Variants in SPMIP2 observed in about 807,000 individuals in gnomAD.
SPMIP2 encodes sperm microtubule inner protein 2.
At chr4:159,079,913 TTAATTG>T in the SPMIP2 span, among the ~76,000 whole-genome samples, 1 of 152,228 alleles carries the variant, frequency 6.6e-6, no homozygotes. Context: ...CATTTTAATT[TTAATTG>T]TATTATTTAT....
the SPMIP2 span, among the ~76,000 whole-genome samples, chr4:159,061,641 G>A: frequency 1.3e-5 from 2 of 151,816 alleles, no homozygotes; most frequent in African/African-American, 4.8e-5. Context: ...AACCCCATCT[G>A]TACTAAAAAT....
chr4:158,896,332 T>TGGC, the SPMIP2 span, among the ~76,000 whole-genome samples: 1 of 152,252 alleles, frequency 6.6e-6, no homozygotes, highest in South Asian at 2.1e-4. Context: ...GGACAGTGCT[T>TGGC]TCCTTCCTTT....
the SPMIP2 span, among the ~76,000 whole-genome samples, chr4:158,971,903 C>T: frequency 6.6e-6 from 1 of 152,146 alleles, no homozygotes; most frequent in African/African-American, 2.4e-5. Flanking sequence ...TTAGATGATC[C>T]TGTGAAGTGG....
the SPMIP2 span, among the ~76,000 whole-genome samples, chr4:158,956,577 A>C: frequency 1.3e-5 from 2 of 152,168 alleles, no homozygotes; most frequent in Non-Finnish European, 2.9e-5. Flanking sequence ...AAGATAAATA[A>C]ATAAAATATC....
the SPMIP2 span, among the ~76,000 whole-genome samples, chr4:158,979,999 G>A: frequency 1.4e-4 from 21 of 152,106 alleles, no homozygotes; most frequent in East Asian, 1.6e-3. Context: ...GACCTGGGAC[G>A]CTCAAGCTTG....
At chr4:158,895,205 G>GA in the SPMIP2 span, among the ~76,000 whole-genome samples, 2 of 151,690 alleles carry the variant, frequency 1.3e-5, no homozygotes, top group Admixed American at 1.3e-4. Flanking sequence ...GAAAGCAAAA[G>GA]AAAAAAAAGT....
chr4:159,062,058 A>T, the SPMIP2 span, among the ~76,000 whole-genome samples: 1 of 152,186 alleles, frequency 6.6e-6, no homozygotes, highest in Non-Finnish European at 1.5e-5. Context: ...TACAAATGCC[A>T]CGTGTGTGTC....
At chr4:158,915,194 C>T in the SPMIP2 span, 1 of 1,612,304 alleles carries the variant, frequency 6.2e-7, no homozygotes, top group Non-Finnish European at 8.5e-7. Flanking sequence ...GTAGCTTCGG[C>T]AGCTTAGGTG....
the SPMIP2 span, among the ~76,000 whole-genome samples, chr4:159,023,633 G>T: frequency 6.6e-6 from 1 of 152,160 alleles, no homozygotes; most frequent in Non-Finnish European, 1.5e-5. Flanking sequence ...GCCACCAACA[G>T]AATGGCTGTA....
At chr4:159,062,415 A>G in the SPMIP2 span, among the ~76,000 whole-genome samples, 6 of 152,204 alleles carry the variant, frequency 3.9e-5, no homozygotes. Flanking sequence ...TATATGTAAA[A>G]GATTTAACTA....
the SPMIP2 span, among the ~76,000 whole-genome samples, chr4:159,031,573 C>A: frequency 5.2e-3 from 794 of 152,268 alleles, 4 homozygotes; most frequent in African/African-American, 0.018. Context: ...TAGAGACAAT[C>A]AGGAAAATTT....
At chr4:159,063,850 G>A in the SPMIP2 span, among the ~76,000 whole-genome samples, 3 of 152,172 alleles carry the variant, frequency 2.0e-5, no homozygotes, top group African/African-American at 4.8e-5. Flanking sequence ...AGTGATTAAT[G>A]TTCAGTGGCT....
chr4:159,077,956 G>T, the SPMIP2 span, among the ~76,000 whole-genome samples: 1 of 152,098 alleles, frequency 6.6e-6, no homozygotes, highest in African/African-American at 2.4e-5. Flanking sequence ...ACCAAAGAGG[G>T]GATGTAATCA....
chr4:159,071,011 C>T, the SPMIP2 span, among the ~76,000 whole-genome samples: 1 of 152,112 alleles, frequency 6.6e-6, no homozygotes, highest in South Asian at 2.1e-4. Flanking sequence ...AAAGAACAAT[C>T]AAAACAGATT....
the SPMIP2 span, among the ~76,000 whole-genome samples, chr4:158,976,085 A>AT: frequency 4.6e-5 from 7 of 151,598 alleles, no homozygotes; most frequent in African/African-American, 1.7e-4. Context: ...TTCACTCATG[A>AT]TTTGGCTATT....
chr4:158,898,563 A>G, the SPMIP2 span, among the ~76,000 whole-genome samples: 1 of 152,156 alleles, frequency 6.6e-6, no homozygotes, highest in South Asian at 2.1e-4. Context: ...CATCTCTTGT[A>G]AGTTATATTA....
chr4:158,986,305 A>G, the SPMIP2 span, among the ~76,000 whole-genome samples: 1 of 152,136 alleles, frequency 6.6e-6, no homozygotes, highest in Non-Finnish European at 1.5e-5. Flanking sequence ...ATATGGAACC[A>G]AAAAAGAGCC....
the SPMIP2 span, among the ~76,000 whole-genome samples, chr4:158,989,414 C>T: frequency 5.9e-5 from 9 of 152,280 alleles, no homozygotes; most frequent in South Asian, 1.9e-3. Flanking sequence ...AAAGAGCCCA[C>T]ATAGCCAAGA....
chr4:159,055,955 T>G, the SPMIP2 span, among the ~76,000 whole-genome samples: 1 of 152,134 alleles, frequency 6.6e-6, no homozygotes, highest in Non-Finnish European at 1.5e-5. Context: ...ATGCCACAGA[T>G]ACTGAACAAT....
Sources: gnomAD v4.1 joint callset for allele counts (sites outside exome capture counted in the v4.1 genomes callset) on GRCh38, gnomAD v4.1.1 for gene constraint, MANE v1.5 for transcripts, NCBI Gene and HGNC (gene_info 2026-07-23, HGNC 2026-07-21) for gene names.